The following LIMK2 variants were observed in gnomAD, a reference collection of about 807,000 sequenced individuals.
LIMK2 encodes LIM domain kinase 2.
LIMK2 carries 35 observed loss-of-function variants against 75.7 expected under a neutral mutation model. The ratio of observed to expected loss-of-function variants is 0.46; its 90% CI spans 0.35 to 0.61. LIMK2 has a LOEUF of 0.61. Among genes scored for constraint, LIMK2 ranks in the 20% least tolerant of loss-of-function variants. The pLI, the probability that LIMK2 is intolerant of heterozygous loss-of-function variation, is 0.00. For synonymous variants in LIMK2, 301 were observed against 319.2 expected, an observed-to-expected ratio of 0.94 and a Z score of 0.61; for missense variants, 623 against 831.0, an observed-to-expected ratio of 0.75 and a Z score of 3.08.
chr22:31,217,154 C>A (rs1302599941), intron 1 of LIMK2, among the ~76,000 whole-genome samples: 6 of 152,072 alleles, frequency 3.9e-5, no homozygotes, highest in Non-Finnish European at 8.8e-5. Context: ...GTAATCCCAG[C>A]ACTTTGGGAG....
At position 31,254,816 on chromosome 22, in the gene LIMK2, G is replaced by A. The variant is rs375376110; in HGVS notation, c.117-3475G>A. 9.9e-5 allele frequency among the ~76,000 whole-genome samples: 15 copies of A among 152,214 alleles called. No individual in the cohort carries two copies. The East Asian group carries it at 1.4e-3, about 14-fold the overall frequency. On this transcript the variant is annotated intron_variant, in intron 2 of 15. Transcript: ENST00000331728. ...TCTACTAAAAATAGAAAAATTAGCC[G>A]GGTGTGGTGGCATGCGCCAGTAATC...
chr22:31,276,001 T>C lies in LIMK2; in HGVS notation c.1772+693T>C, dbSNP rs112912602. On this transcript the variant is annotated intron_variant, in intron 15 of 15. Coordinates refer to ENST00000331728, the MANE Select transcript of LIMK2 (RefSeq NM_005569.4). ...CTGTAATCCCAGCACTTTGGGAGGC[T>C]GAGGCTGGTGGATCACCTGAGGTCT... 4.0e-3 allele frequency among the ~76,000 whole-genome samples: 610 copies of C among 152,262 alleles called. 1 individual carries two copies. The highest frequency in any genetic ancestry group is 0.014 in the African/African-American group (564 of 41,544).
chr22:31,262,897 G>A lies in LIMK2; in HGVS notation c.854+106G>A, dbSNP rs75395091. On this transcript the variant is annotated intron_variant, in intron 7 of 15. Transcript: ENST00000331728. The surrounding 1 kb of genome is among the most constrained non-coding windows in gnomAD (Gnocchi z 5.0). The stretch of plus-strand genomic sequence containing the variant: ...AGTTAGGAAAGGAACCAGCTGGCCA[G>A]GGACAGACTATGAGGATTGTGCTGA... The A allele has an allele frequency of 1.7e-4, 177 of 1,059,024 alleles. 1 individual carries two copies. The East Asian group carries it at 4.1e-3, about 25-fold the overall frequency. The allele number at this position is 1,059,024 out of a possible 1,614,324, so 65.6% of individuals were successfully genotyped here. A position where few individuals can be genotyped will look rare whatever the true frequency, so the allele number is the denominator to read the frequency against.
Position 31,262,024 on chromosome 22 carries a change from T to A in LIMK2, c.552-110T>A. On this transcript the variant is annotated intron_variant, in intron 5 of 15. Coordinates refer to ENST00000331728, the MANE Select transcript of LIMK2 (RefSeq NM_005569.4). This position sits in a 1 kb window ranked among gnomAD's most constrained non-coding sequence, Gnocchi z 5.0. Reference sequence around the variant, plus strand: ...TTTCTGTGTGGGTATCCTGGGCCCCTTAGGGGCCACTGGTGGCCTGGGACC... The same window carrying A: ...TTTCTGTGTGGGTATCCTGGGCCCCATAGGGGCCACTGGTGGCCTGGGACC... The A allele has an allele frequency of 2.4e-6, 2 of 834,800 alleles. No individual in the cohort carries two copies. The highest frequency in any genetic ancestry group is 4.1e-6 in the Non-Finnish European group (2 of 486,406). 51.7% of individuals were successfully genotyped at this position (834,800 alleles called of 1,614,324 possible).
chr22:31,248,775 T>C (rs963995714), intron 2 of LIMK2: 3 of 1,613,986 alleles, frequency 1.9e-6, no homozygotes, highest in Non-Finnish European at 2.5e-6. Flanking sequence ...TTTCGGTGAG[T>C]TGGTCTCCGA....
intron 2 of LIMK2, among the ~76,000 whole-genome samples, chr22:31,243,855 TG>T (rs1315542330): frequency 6.6e-6 from 1 of 152,200 alleles, no homozygotes; most frequent in African/African-American, 2.4e-5. Context: ...ATGGGTGGCT[TG>T]GGCCCTTTGA....
At chr22:31,269,830 G>A (rs1370206161) in intron 11 of LIMK2, among the ~76,000 whole-genome samples, 3 of 152,022 alleles carry the variant, frequency 2.0e-5, no homozygotes, top group African/African-American at 7.2e-5. Flanking sequence ...GAATGCGGAG[G>A]GTCCAGGGAA....
chr22:31,266,191 T>G, intron 8 of LIMK2, 59 bp downstream of exon 8: 1 of 1,548,066 alleles, frequency 6.5e-7, no homozygotes. Context: ...TCACTGTCTT[T>G]CGGGGATTTC....
intron 15 of LIMK2, chr22:31,276,825 C>A (rs2049030044): frequency 6.2e-7 from 1 of 1,611,504 alleles, no homozygotes; most frequent in South Asian, 1.1e-5. Context: ...GCCCGGGCTG[C>A]GCGGATGATG....
chr22:31,244,622 A>T (rs563610303), intron 2 of LIMK2, among the ~76,000 whole-genome samples: 2 of 152,178 alleles, frequency 1.3e-5, no homozygotes, highest in Non-Finnish European at 2.9e-5. Context: ...CTGCAACCTC[A>T]TAGGGGTGAA....
At chr22:31,257,315 C>T (rs2048794527) in intron 2 of LIMK2, among the ~76,000 whole-genome samples, 1 of 152,110 alleles carries the variant, frequency 6.6e-6, no homozygotes, top group Non-Finnish European at 1.5e-5. Flanking sequence ...TCAAAGAACA[C>T]CTACATACCT....
chr22:31,250,518 C>G (rs991334689), intron 2 of LIMK2, among the ~76,000 whole-genome samples: 1 of 152,166 alleles, frequency 6.6e-6, no homozygotes, highest in South Asian at 2.1e-4. Context: ...GCCCCTACCC[C>G]CAAGCTCCGT....
At chr22:31,273,191 G>A in intron 13 of LIMK2, 1 of 271,384 alleles carries the variant, frequency 3.7e-6, no homozygotes, top group South Asian at 1.4e-4. Flanking sequence ...GAGGCTAGAT[G>A]AACCCTAGTC....
In LIMK2 at chr22:31,278,520, C is replaced by T; in HGVS notation, c.*79C>T. On this transcript the variant is annotated 3_prime_UTR_variant, in exon 16 of 16. Transcript: ENST00000331728. ...TGCCCCATTCCTGCTGTGAGCAGGG[C>T]CGTCCGGGCTTCCTGTGGATTGGCG... 2 of 1,420,350 alleles carry T rather than the reference C, an allele frequency of 1.4e-6. No homozygotes were observed. Among genetic ancestry groups the T allele is most frequent in the Non-Finnish European group, 1.9e-6 (2 of 1,065,862 alleles). 88.0% of individuals were successfully genotyped at this position (1,420,350 alleles called of 1,614,324 possible).
At chr22:31,218,989 C>T (rs1351814171) in intron 1 of LIMK2, among the ~76,000 whole-genome samples, 1 of 152,226 alleles carries the variant, frequency 6.6e-6, no homozygotes, top group African/African-American at 2.4e-5. Context: ...GACTCATTTG[C>T]AGAAACCAAG....
At position 31,278,637 on chromosome 22, in the gene LIMK2, G is replaced by A; in HGVS notation, c.*196G>A. 2.1e-6 allele frequency: 1 copy of A among 468,822 alleles called. No individual in the cohort carries two copies. Among genetic ancestry groups the A allele is most frequent in the Non-Finnish European group, 3.7e-6 (1 of 270,594 alleles). The allele number at this position is 468,822 out of a possible 1,614,324, so 29.0% of individuals were successfully genotyped here. ...GGAAATGTATCTCCACAGGTTCTGG[G>A]GCCTAGTTACTGTCTGTAAATCCAA... On this transcript the variant is annotated 3_prime_UTR_variant, in exon 16 of 16. Coordinates refer to ENST00000331728, the MANE Select transcript of LIMK2 (RefSeq NM_005569.4).
At chr22:31,228,832 A>G (rs1400720932) in intron 2 of LIMK2, among the ~76,000 whole-genome samples, 1 of 152,130 alleles carries the variant, frequency 6.6e-6, no homozygotes, top group Non-Finnish European at 1.5e-5. Context: ...AGTCCCAGCT[A>G]CTTGGGAAGC....
intron 2 of LIMK2, among the ~76,000 whole-genome samples, chr22:31,249,957 C>G: frequency 6.6e-6 from 1 of 152,158 alleles, no homozygotes. Flanking sequence ...ATGAGGCAAC[C>G]AGTTTCAACA....
rs2048473576 is a variant in LIMK2 at position 31,225,912 on chromosome 22, T to C, written c.116+93T>C. The C allele has an allele frequency of 4.1e-6, 4 of 972,950 alleles. No individual in the cohort carries two copies. The East Asian group carries it at 8.0e-5, about 19-fold the overall frequency. 60.3% of individuals were successfully genotyped at this position (972,950 alleles called of 1,614,324 possible). On this transcript the variant is annotated intron_variant, in intron 2 of 15. Coordinates refer to ENST00000331728, the MANE Select transcript of LIMK2 (RefSeq NM_005569.4). Reference sequence around the variant, plus strand: ...GAAAACACAGAAACAAGCTTCTGAGTTGAGAATTTCAATCTTAGGGTGGGG... The same window carrying C: ...GAAAACACAGAAACAAGCTTCTGAGCTGAGAATTTCAATCTTAGGGTGGGG...
Sources: allele counts gnomAD v4.1 joint callset (sites outside exome capture counted in the v4.1 genomes callset), GRCh38; gene constraint gnomAD v4.1.1; non-coding constraint Gnocchi (gnomAD v3.1); transcripts MANE v1.5; gene names NCBI Gene and HGNC (gene_info 2026-07-23, HGNC 2026-07-21).